The following OR2A7 variants were observed in gnomAD, a reference collection of about 807,000 sequenced individuals.
The protein encoded by OR2A7 is olfactory receptor 2A7.
For missense variants in OR2A7, 35 were observed against 359.2 expected (o/e 0.10, Z 7.30); for synonymous variants, 10 against 147.1 (o/e 0.07, Z 6.74).
At chr7:144,260,308 G>C (rs2052628325) in intron 1 of OR2A7, among the ~76,000 whole-genome samples, 1 of 149,644 alleles carries the variant, frequency 6.7e-6, no homozygotes, top group Admixed American at 6.8e-5. Context: ...TGTCAATGTA[G>C]TACACAGTTT....
chr7:144,260,230 A>G (rs1257215992), intron 1 of OR2A7, among the ~76,000 whole-genome samples: 2 of 142,362 alleles, frequency 1.4e-5, no homozygotes, highest in Non-Finnish European at 3.2e-5. Flanking sequence ...CGTGTCACAT[A>G]TTAATATATC....
At position 144,262,213 on chromosome 7, in the gene OR2A7, CAGTGATAA is replaced by C. The variant is rs1215687049; in HGVS notation, c.-5+2480_-5+2487del. On this transcript the variant is annotated intron_variant, in intron 1 of 1. Transcript: ENST00000641841. ...TCTCATTCTGTCTCTGAGGAAGCCA[CAGTGATAA>C]AGAGAATGAGACTAAGGCAAGAACA... Among the ~76,000 whole-genome samples, 27 of 151,672 alleles carry C rather than the reference CAGTGATAA, an allele frequency of 1.8e-4. 2 individuals are homozygous for C. The highest frequency in any genetic ancestry group is 1.5e-3 in the Admixed American group (22 of 15,010).
Position 144,260,111 on chromosome 7 carries a change from GAA to G in OR2A7, c.-4-481_-4-480del, listed in dbSNP as rs1162605720. Among the ~76,000 whole-genome samples, 453 of 87,618 alleles carry G rather than the reference GAA, an allele frequency of 5.2e-3. 1 individual carries two copies. Among genetic ancestry groups the G allele is most frequent in the African/African-American group, 0.017 (402 of 23,568 alleles). The allele number at this position is 87,618 out of a possible 152,430, so 57.5% of individuals were successfully genotyped here. ...GTGACAGAGCCAGACTCTGTCTCCA[GAA>G]AAAAAAAAAAAAAAAAAGAAAAGGA... On this transcript the variant is annotated intron_variant, in intron 1 of 1. Coordinates refer to ENST00000641841, the MANE Select transcript of OR2A7 (RefSeq NM_001005328.2).
At chr7:144,260,733 A>G (rs1355768432) in intron 1 of OR2A7, among the ~76,000 whole-genome samples, 3 of 151,926 alleles carry the variant, frequency 2.0e-5, no homozygotes, top group Non-Finnish European at 4.4e-5. Context: ...CCGTGTCATT[A>G]TCTAAACACG....
intron 1 of OR2A7, among the ~76,000 whole-genome samples, chr7:144,264,473 G>A (rs1451252321): frequency 6.6e-5 from 10 of 152,060 alleles, no homozygotes; most frequent in East Asian, 1.9e-4. Context: ...GTTGGTCAGC[G>A]TTTTCTTGAA....
chr7:144,261,766 A>G (rs1282206687), intron 1 of OR2A7, among the ~76,000 whole-genome samples: 3 of 151,838 alleles, frequency 2.0e-5, no homozygotes, highest in Admixed American at 6.6e-5. Flanking sequence ...GTACTTTTGC[A>G]TGATATTAAA....
At chr7:144,260,659 TTTG>T (rs2052633679) in intron 1 of OR2A7, among the ~76,000 whole-genome samples, 1 of 151,938 alleles carries the variant, frequency 6.6e-6, no homozygotes, top group African/African-American at 2.4e-5. Context: ...AACCTTATTT[TTTG>T]TTATTTACTT....
chr7:144,260,002 G>C (rs1237773808), intron 1 of OR2A7, among the ~76,000 whole-genome samples: 6,034 of 125,470 alleles, frequency 0.048, 233 homozygotes, highest in East Asian at 0.17. Flanking sequence ...CCAGCTACTC[G>C]GGAGGCTGAG....
intron 1 of OR2A7, 70 bp downstream of exon 1, chr7:144,264,631 G>T (rs1224273311): frequency 1.3e-5 from 2 of 151,572 alleles, no homozygotes; most frequent in African/African-American, 4.8e-5. Context: ...TCTCAGGCAA[G>T]TCCATCAAGA....
intron 1 of OR2A7, among the ~76,000 whole-genome samples, chr7:144,260,220 C>T (rs1481441457): frequency 2.9e-5 from 4 of 139,122 alleles, no homozygotes; most frequent in African/African-American, 1.0e-4. Context: ...TAAAAATAAA[C>T]GTGTCACATA....
chr7:144,260,160 T>G (rs1224817513), intron 1 of OR2A7, among the ~76,000 whole-genome samples: 1 of 135,570 alleles, frequency 7.4e-6, no homozygotes, highest in Non-Finnish European at 1.6e-5. Context: ...TGCACACGTA[T>G]ACATAGGTTT....
chr7:144,258,832 G>A lies in OR2A7; in HGVS notation c.797C>T (p.Pro266Leu). The change falls in exon 2 of 2, where the codon CCC becomes CTC. Residue 266 changes from proline to leucine, a missense_variant. Pro to Leu is a moderately conservative substitution (Grantham distance 98, BLOSUM62 -3). Coordinates refer to ENST00000641841, the MANE Select transcript of OR2A7 (RefSeq NM_001005328.2). ...IMYVGPRYGN[P>L]KEQKKYLLLF... ...CAGGAGATATTTCTTCTGCTCCTTG[G>A]GGTTCCCATATCTGGGTCCAACATA... 1 of 1,613,430 alleles carries A rather than the reference G, an allele frequency of 6.2e-7. No individual in the cohort carries two copies. Among genetic ancestry groups the A allele is most frequent in the South Asian group, 1.1e-5 (1 of 91,042 alleles).
At chr7:144,261,330 T>C (rs1360232967) in intron 1 of OR2A7, among the ~76,000 whole-genome samples, 1 of 149,282 alleles carries the variant, frequency 6.7e-6, no homozygotes, top group African/African-American at 2.4e-5. Context: ...TGTGACACTT[T>C]AAGCCTTTTT....
At chr7:144,260,547 C>T (rs2052631704) in intron 1 of OR2A7, among the ~76,000 whole-genome samples, 1 of 151,872 alleles carries the variant, frequency 6.6e-6, no homozygotes, top group African/African-American at 2.4e-5. Flanking sequence ...AGTGGTCATT[C>T]ACCTCTTAAA....
chr7:144,260,146 C>T (rs201835806), intron 1 of OR2A7, among the ~76,000 whole-genome samples: 1 of 130,790 alleles, frequency 7.6e-6, no homozygotes, highest in Non-Finnish European at 1.7e-5. Flanking sequence ...GGAAAAAAAA[C>T]GCATGCACAC....
intron 1 of OR2A7, among the ~76,000 whole-genome samples, chr7:144,260,137 G>GAAAA (rs1168373585): frequency 2.4e-5 from 3 of 126,466 alleles, no homozygotes; most frequent in African/African-American, 5.5e-5. Flanking sequence ...AAAAGAAAAG[G>GAAAA]AAAAAAAACG....
intron 1 of OR2A7, among the ~76,000 whole-genome samples, chr7:144,262,057 C>G (rs1160385351): frequency 6.6e-6 from 1 of 151,626 alleles, no homozygotes; most frequent in African/African-American, 2.4e-5. Context: ...CCACAGAGTA[C>G]CTTCCAATTA....
At chr7:144,259,916 T>C (rs1250712423) in intron 1 of OR2A7, among the ~76,000 whole-genome samples, 1 of 136,786 alleles carries the variant, frequency 7.3e-6, no homozygotes, top group Non-Finnish European at 1.6e-5. Context: ...GAGACCAGCA[T>C]TGACAACACG....
intron 1 of OR2A7, among the ~76,000 whole-genome samples, chr7:144,260,265 T>A (rs1175640599): frequency 2.0e-5 from 3 of 146,708 alleles, no homozygotes; most frequent in East Asian, 1.9e-4. Flanking sequence ...TTAAAAAAAA[T>A]TTGGCTCAGG....
Sources: allele counts gnomAD v4.1 joint callset (sites outside exome capture counted in the v4.1 genomes callset), GRCh38; gene constraint gnomAD v4.1.1; transcripts MANE v1.5; gene names NCBI Gene and HGNC (gene_info 2026-07-23, HGNC 2026-07-21).